The following BMP1 variants were observed in gnomAD, a reference collection of about 807,000 sequenced individuals.
The protein encoded by BMP1 is bone morphogenetic protein 1.
Under a neutral mutation model 116.8 loss-of-function variants are expected in BMP1, and 63 were observed. The ratio of observed to expected loss-of-function variants is 0.54; its 90% confidence interval spans 0.44 to 0.67. The LOEUF (loss-of-function observed/expected upper bound fraction) is 0.67. BMP1 is among the 30% of genes least tolerant of loss of function. The probability of loss-of-function intolerance (pLI) is 0.00; values close to 1 mark genes in which losing one functional copy is unlikely to be tolerated. For synonymous variants in BMP1, 536 were observed against 533.4 expected, an observed-to-expected ratio of 1.00 and a Z score of -0.07; for missense variants, 1,183 against 1,358.9, an observed-to-expected ratio of 0.87 and a Z score of 2.04.
intron 9 of BMP1, among the ~76,000 whole-genome samples, chr8:22,193,788 A>C (rs900170627): frequency 6.6e-6 from 1 of 152,254 alleles, no homozygotes; most frequent in African/African-American, 2.4e-5. Flanking sequence ...CATCTCAAAA[A>C]AATAAAATAA....
At chr8:22,201,190 G>C in intron 15 of BMP1, 4 of 1,604,218 alleles carry the variant, frequency 2.5e-6, no homozygotes, top group Non-Finnish European at 3.4e-6. Flanking sequence ...AAAAGAAACC[G>C]GACCCCCCAG....
intron 8 of BMP1, among the ~76,000 whole-genome samples, chr8:22,183,931 G>A (rs1013801469): frequency 6.6e-6 from 1 of 152,154 alleles, no homozygotes; most frequent in African/African-American, 2.4e-5. Context: ...AACACTATGG[G>A]CCAGATGCTA....
At position 22,194,054 on chromosome 8, in the gene BMP1, G is replaced by A; in HGVS notation, c.1181-4G>A. ...CCACTCTTCCATCCACACTGTCTGT[G>A]CAGGCCGCTTCTGCGGGTCCAAACT... is the stretch of plus-strand genomic sequence containing the variant. On this transcript the variant is annotated splice_polypyrimidine_tract_variant and splice_region_variant and intron_variant, in intron 9 of 19. Coordinates refer to ENST00000306385, the MANE Select transcript of BMP1 (RefSeq NM_006129.5). The surrounding 1 kb of genome is among the most constrained non-coding windows in gnomAD (Gnocchi z 4.5). The A allele has an allele frequency of 6.2e-7, 1 of 1,612,794 alleles. No individual in the cohort carries two copies. Among genetic ancestry groups the A allele is most frequent in the Non-Finnish European group, 8.5e-7 (1 of 1,178,780 alleles).
At chr8:22,186,078 C>T (rs978669101) in intron 8 of BMP1, among the ~76,000 whole-genome samples, 5 of 152,198 alleles carry the variant, frequency 3.3e-5, no homozygotes, top group South Asian at 4.2e-4. Flanking sequence ...TCAGGCGATC[C>T]GCCAGCCTGG....
intron 19 of BMP1, among the ~76,000 whole-genome samples, chr8:22,210,066 C>T (rs1373421441): frequency 1.3e-5 from 2 of 152,282 alleles, no homozygotes; most frequent in Non-Finnish European, 2.9e-5. Context: ...CAGAGGTTGG[C>T]ACCAGAGCCG....
chr8:22,185,584 C>T (rs1828745501), intron 8 of BMP1, among the ~76,000 whole-genome samples: 1 of 152,136 alleles, frequency 6.6e-6, no homozygotes, highest in Non-Finnish European at 1.5e-5. Context: ...ATTCCCATCC[C>T]TGCCTCCTGA....
At chr8:22,185,718 T>C (rs1303080263) in intron 8 of BMP1, among the ~76,000 whole-genome samples, 2 of 151,614 alleles carry the variant, frequency 1.3e-5, no homozygotes, top group African/African-American at 4.8e-5. Context: ...GCCCCCCGAG[T>C]TCAAGCAATT....
intron 17 of BMP1, 73 bp from the exon 18 acceptor site, chr8:22,207,230 T>G: frequency 6.6e-7 from 1 of 1,509,830 alleles, no homozygotes; most frequent in Non-Finnish European, 9.1e-7. Context: ...AGGCCTAGGT[T>G]TGGGGCCCTC....
chr8:22,199,188 A>C (rs532777384), intron 15 of BMP1: 68 of 1,367,632 alleles, frequency 5.0e-5, no homozygotes, highest in Admixed American at 3.8e-4. Context: ...TCGCACAAGA[A>C]ACCTGCAGAG....
chr8:22,184,009 C>T (rs958984079), intron 8 of BMP1, among the ~76,000 whole-genome samples: 1 of 152,178 alleles, frequency 6.6e-6, no homozygotes, highest in Admixed American at 6.5e-5. Context: ...CAAAATTACA[C>T]AAAATTGGAT....
In BMP1 at chr8:22,179,624, G is replaced by C. The variant is rs921309065; in HGVS notation, c.837-81G>C. ...CTGAGCTCCAGCAGGGTCGTGACTT[G>C]TGGGTACAGATGGGCATGCCACCCA... On this transcript the variant is annotated intron_variant, in intron 6 of 19. Transcript: ENST00000306385. The surrounding 1 kb of genome is among the most constrained non-coding windows in gnomAD (Gnocchi z 4.6). The C allele has an allele frequency of 2.5e-6, 4 of 1,602,356 alleles. No individual in the cohort carries two copies. The highest frequency in any genetic ancestry group is 3.4e-6 in the Non-Finnish European group (4 of 1,173,438).
At chr8:22,177,810 A>C in intron 5 of BMP1, 42 bp from the exon 6 acceptor site, 8 of 1,380,286 alleles carry the variant, frequency 5.8e-6, no homozygotes, top group Non-Finnish European at 7.2e-6. Context: ...AGGCAGACCC[A>C]CCCCCTCCTC....
chr8:22,212,164 C>A lies in BMP1; in HGVS notation c.*436C>A. On this transcript the variant is annotated 3_prime_UTR_variant, in exon 20 of 20. Transcript: ENST00000306385. ...TTATTTTGAGCCCCCATTCCACCAC[C>A]CCAGTTTCCTGGGGCACAAGTGTCT... 5.5e-6 allele frequency: 1 copy of A among 180,646 alleles called. No individual in the cohort carries two copies. The highest frequency in any genetic ancestry group is 1.2e-5 in the Non-Finnish European group (1 of 83,584). The allele number at this position is 180,646 out of a possible 1,614,324, so 11.2% of individuals were successfully genotyped here. A position where few individuals can be genotyped will look rare whatever the true frequency, so the allele number is the denominator to read the frequency against.
At chr8:22,173,531 G>T (rs1828340589) in intron 1 of BMP1, 71 bp from the exon 2 acceptor site, 1 of 1,204,108 alleles carries the variant, frequency 8.3e-7, no homozygotes, top group Admixed American at 2.3e-5. Context: ...CAGGGTTGGG[G>T]CTAGAAGCAC....
intron 8 of BMP1, 97 bp downstream of exon 8, chr8:22,180,580 A>T: frequency 1.8e-6 from 2 of 1,109,772 alleles, no homozygotes; most frequent in Admixed American, 1.9e-5. Flanking sequence ...GGTGCCAGCG[A>T]CCTACCTGGC....
At chr8:22,189,768 C>T (rs1828878479) in intron 8 of BMP1, among the ~76,000 whole-genome samples, 1 of 152,092 alleles carries the variant, frequency 6.6e-6, no homozygotes, top group Non-Finnish European at 1.5e-5. Context: ...GCCTGGTCCA[C>T]ATTTGGTAAT....
chr8:22,204,759 T>C (rs960844126), intron 16 of BMP1, among the ~76,000 whole-genome samples: 1 of 119,766 alleles, frequency 8.3e-6, no homozygotes, highest in African/African-American at 3.2e-5. Flanking sequence ...AGAAATTGAG[T>C]TGGGGAAGCC....
At chr8:22,180,798 C>G (rs2131856339) in intron 8 of BMP1, among the ~76,000 whole-genome samples, 1 of 152,320 alleles carries the variant, frequency 6.6e-6, no homozygotes, top group South Asian at 2.1e-4. Flanking sequence ...CGGCTACCTC[C>G]ACCTTTATTT....
Position 22,198,960 on chromosome 8 carries a change from C to T in BMP1, c.2107+1540C>T. On this transcript the variant is annotated intron_variant, in intron 15 of 19. Transcript: ENST00000306385. ...GGATGTAACACCCACTCGGGGCAGG[C>T]TCTGCCCCGGGAAACCATTACCTGC... 3 of 1,278,318 alleles carry T rather than the reference C, an allele frequency of 2.3e-6. No individual in the cohort carries two copies. In the Middle Eastern group the frequency reaches 7.0e-4, roughly 296 times the overall value. 79.2% of individuals were successfully genotyped at this position (1,278,318 alleles called of 1,614,324 possible). A position where few individuals can be genotyped will look rare whatever the true frequency, so the allele number is the denominator to read the frequency against.
Sources: gnomAD v4.1 joint callset for allele counts (sites outside exome capture counted in the v4.1 genomes callset) on GRCh38, gnomAD v4.1.1 for gene constraint, Gnocchi (gnomAD v3.1) non-coding constraint, MANE v1.5 for transcripts, NCBI Gene and HGNC (gene_info 2026-07-23, HGNC 2026-07-21) for gene names.